Variants in CWC22 observed in about 807,000 individuals in gnomAD.
CWC22 encodes CWC22 spliceosome associated protein.
Under a neutral mutation model 117.2 loss-of-function variants are expected in CWC22, and 53 were observed. The ratio of observed to expected loss-of-function variants is 0.45; its 90% CI spans 0.36 to 0.57. The LOEUF (loss-of-function observed/expected upper bound fraction) is 0.57. CWC22 is among the 20% of genes least tolerant of loss of function. The probability of loss-of-function intolerance (pLI) is 0.00; values close to 1 mark genes in which losing one functional copy is unlikely to be tolerated. For synonymous variants in CWC22, 360 were observed against 355.6 expected, an observed-to-expected ratio of 1.01 and a Z score of -0.14; for missense variants, 980 against 1,068.8, an observed-to-expected ratio of 0.92 and a Z score of 1.16.
chr2:179,949,256 T>A (rs1162399262), intron 19 of CWC22, among the ~76,000 whole-genome samples: 1 of 152,110 alleles, frequency 6.6e-6, no homozygotes, highest in African/African-American at 2.4e-5. Flanking sequence ...GAGACAAGAA[T>A]GGGACTGGTT....
intron 3 of CWC22, among the ~76,000 whole-genome samples, chr2:179,987,174 A>G (rs994943190): frequency 6.6e-6 from 1 of 152,216 alleles, no homozygotes; most frequent in East Asian, 1.9e-4. Flanking sequence ...CACTGAATGT[A>G]TGAGACCAAG....
Position 179,945,301 on chromosome 2 carries a change from G to T in CWC22, c.2555C>A (p.Ser852Ter). Residue 852 changes from serine to a stop codon, truncating the protein, a stop_gained, in exon 20 of 20, where the codon TCA (serine) becomes TAA (stop). Transcript: ENST00000410053. LOFTEE classifies it high-confidence loss of function. ...DSENFRRKDRSKSKEMNRKHS... is the reference protein window; with the variant it reads ...DSENFRRKDR ...CTTTCTATTCATTTCCTTTGACTTT[G>T]ATCTATCTTTTCTTCTGAAATTTTC... is the stretch of plus-strand genomic sequence containing the variant. 1 of 1,613,320 alleles carries T rather than the reference G, an allele frequency of 6.2e-7. No homozygotes were observed. The highest frequency in any genetic ancestry group is 1.1e-5 in the South Asian group (1 of 90,976).
At chr2:179,969,800 A>C (rs914194962) in intron 11 of CWC22, among the ~76,000 whole-genome samples, 24 of 152,202 alleles carry the variant, frequency 1.6e-4, no homozygotes, top group African/African-American at 5.8e-4. Flanking sequence ...AGTAGGCCTG[A>C]GTGTTAGCTT....
rs528361437 is a variant in CWC22 at position 179,961,897 on chromosome 2, T to C, written c.1397+2650A>G. The stretch of plus-strand genomic sequence containing the variant: ...GAGTTTCAGGTTTAACACAAATTAA[T>C]AGCAATTGAGGAGAGGGTAAAGAAA... On this transcript the variant is annotated intron_variant, in intron 13 of 19. Transcript: ENST00000410053. Among the ~76,000 whole-genome samples, 428 of 152,208 alleles carry C rather than the reference T, an allele frequency of 2.8e-3. 5 individuals carry two copies. The highest frequency in any genetic ancestry group is 9.4e-3 in the African/African-American group (390 of 41,578).
In CWC22 at chr2:179,978,482, AT is replaced by A. The variant is rs1176496456; in HGVS notation, c.453-165del. Among the ~76,000 whole-genome samples the A allele has an allele frequency of 6.1e-5, 9 of 146,968 alleles. No homozygotes were observed. In the Admixed American group the frequency reaches 6.7e-4, roughly 11 times the overall value. ...ATGCCTATCAGGATAAATAGATTAT[AT>A]CCTGAACCATATTTGATTTTCTATA... On this transcript the variant is annotated intron_variant, in intron 5 of 19. Coordinates refer to ENST00000410053, the MANE Select transcript of CWC22 (RefSeq NM_020943.3).
chr2:179,988,422 G>A (rs1687474069), intron 3 of CWC22, among the ~76,000 whole-genome samples, 155 bp downstream of exon 3: 1 of 152,080 alleles, frequency 6.6e-6, no homozygotes, highest in African/African-American at 2.4e-5. Context: ...AGTCATTTAA[G>A]GATGATTCCT....
intron 8 of CWC22, among the ~76,000 whole-genome samples, chr2:179,972,803 C>T (rs938924746): frequency 3.3e-5 from 5 of 151,754 alleles, no homozygotes; most frequent in Admixed American, 2.6e-4. Flanking sequence ...TTCAGGAGAT[C>T]GAGACCATCC....
chr2:180,004,326 A>G (rs1406889650), intron 1 of CWC22, among the ~76,000 whole-genome samples: 1 of 152,230 alleles, frequency 6.6e-6, no homozygotes, highest in African/African-American at 2.4e-5. Flanking sequence ...TCTCAGGTAC[A>G]AGCCACTGTA....
rs1394453610 is a variant in CWC22 at position 179,945,383 on chromosome 2, C to T, written c.2473G>A (p.Glu825Lys). 1 of 1,612,460 alleles carries T rather than the reference C, an allele frequency of 6.2e-7. No individual in the cohort carries two copies. Among genetic ancestry groups the T allele is most frequent in the Non-Finnish European group, 8.5e-7 (1 of 1,179,308 alleles). The change falls in exon 20 of 20, where the codon GAG becomes AAG. Residue 825 changes from glutamate (E) to lysine (K), a missense_variant. Coordinates refer to ENST00000410053, the MANE Select transcript of CWC22 (RefSeq NM_020943.3). ...KHGDPKKKRG[E>K]RRNSFSENEK... ...TTTTCAGAAAAAGAATTTCTTCTCTCTCCTCTCTTCTTTTTGGGATCACCA... is the reference window on the plus strand; with the variant it reads ...TTTTCAGAAAAAGAATTTCTTCTCTTTCCTCTCTTCTTTTTGGGATCACCA...
intron 4 of CWC22, among the ~76,000 whole-genome samples, chr2:179,982,997 T>C (rs997642085): frequency 3.3e-5 from 5 of 152,146 alleles, no homozygotes; most frequent in Admixed American, 2.0e-4. Context: ...ATCTAAGGAG[T>C]ATGTTTGAGA....
chr2:179,973,049 T>G (rs72960679), intron 8 of CWC22, 144 bp downstream of exon 8: 32,400 of 409,918 alleles, frequency 0.079, 2,085 homozygotes, highest in East Asian at 0.3. Flanking sequence ...ATATTTATTA[T>G]AGTTTTAAAA....
At chr2:179,950,972 T>A in intron 17 of CWC22, 46 bp from the exon 18 acceptor site, 1 of 1,167,598 alleles carries the variant, frequency 8.6e-7, no homozygotes, top group Non-Finnish European at 1.2e-6. Context: ...TGCTTAAAGA[T>A]AAAAAGGTAA....
chr2:180,006,416 T>TA (rs1458511154), intron 1 of CWC22, among the ~76,000 whole-genome samples: 1 of 152,178 alleles, frequency 6.6e-6, no homozygotes, highest in Non-Finnish European at 1.5e-5. Context: ...TGGCAGTTAT[T>TA]ACCTCACTGG....
chr2:179,972,481 C>A (rs1339468258), intron 8 of CWC22, among the ~76,000 whole-genome samples: 1 of 152,000 alleles, frequency 6.6e-6, no homozygotes, highest in Non-Finnish European at 1.5e-5. Flanking sequence ...TATGACTATA[C>A]CTGTGTGGTT....
At chr2:180,004,397 CTTTTT>C (rs759321020) in intron 1 of CWC22, among the ~76,000 whole-genome samples, 68 of 151,342 alleles carry the variant, frequency 4.5e-4, no homozygotes, top group Non-Finnish European at 7.2e-4. Context: ...TCTTCTTCTT[CTTTTT>C]TTTTCTTGAG....
intron 5 of CWC22, among the ~76,000 whole-genome samples, chr2:179,979,395 A>G (rs1191258561): frequency 6.6e-6 from 1 of 152,194 alleles, no homozygotes; most frequent in African/African-American, 2.4e-5. Context: ...TATTGCCTAC[A>G]TTCTCAAAAG....
intron 13 of CWC22, among the ~76,000 whole-genome samples, chr2:179,961,581 C>G (rs1157930881): frequency 6.6e-6 from 1 of 151,890 alleles, no homozygotes; most frequent in African/African-American, 2.4e-5. Flanking sequence ...GTGACTTTTT[C>G]TTTTCCAGCT....
intron 13 of CWC22, 75 bp downstream of exon 13, chr2:179,964,471 TA>T: frequency 1.3e-6 from 1 of 751,892 alleles, no homozygotes; most frequent in South Asian, 1.8e-5. Context: ...TATGAGACCC[TA>T]AAATGTATCC....
intron 19 of CWC22, among the ~76,000 whole-genome samples, chr2:179,946,292 A>G (rs1686297108): frequency 6.6e-6 from 1 of 151,928 alleles, no homozygotes; most frequent in Admixed American, 6.6e-5. Context: ...TCTACAAAAA[A>G]TTCAAAAAAT....
Sources: gnomAD v4.1 joint callset for allele counts (sites outside exome capture counted in the v4.1 genomes callset) on GRCh38, gnomAD v4.1.1 for gene constraint, MANE v1.5 for transcripts, NCBI Gene and HGNC (gene_info 2026-07-23, HGNC 2026-07-21) for gene names.